The following TRIP12 variants were observed in gnomAD, a reference collection of about 807,000 sequenced individuals.
TRIP12 encodes E3 ubiquitin-protein ligase TRIP12.
A neutral mutation model predicts 244.2 loss-of-function variants in TRIP12; 25 were observed. That is an observed-to-expected ratio of 0.10 (90% CI 0.07 to 0.14). The LOEUF is 0.14. Among genes scored for constraint, TRIP12 ranks in the 10% least tolerant of loss-of-function variants. TRIP12 has a pLI of 1.00. For missense variants in TRIP12, 1,677 were observed against 2,486.4 expected (o/e 0.67, Z 6.92); for synonymous variants, 905 against 873.1 (o/e 1.04, Z -0.64).
chr2:229,814,689 T>C (rs2048082128), intron 11 of TRIP12, among the ~76,000 whole-genome samples: 1 of 152,180 alleles, frequency 6.6e-6, no homozygotes, highest in Non-Finnish European at 1.5e-5. Context: ...TTGTTGTGCG[T>C]TAAACAAACA....
chr2:229,789,508 A>G (rs2040898698), intron 31 of TRIP12, 103 bp downstream of exon 31: 1 of 1,401,484 alleles, frequency 7.1e-7, no homozygotes, highest in African/African-American at 1.4e-5. Context: ...TTACTGGGCT[A>G]GGAGCCCTGC....
chr2:229,789,271 G>A (rs1559409016), intron 31 of TRIP12, among the ~76,000 whole-genome samples: 2 of 152,186 alleles, frequency 1.3e-5, no homozygotes. Flanking sequence ...ATCAAAGGCA[G>A]CATGCAACTT....
At chr2:229,823,444 T>TG (rs1285168797) in intron 8 of TRIP12, among the ~76,000 whole-genome samples, 5 of 151,062 alleles carry the variant, frequency 3.3e-5, no homozygotes, top group Admixed American at 6.6e-5. Flanking sequence ...GAGGCCGAGG[T>TG]GGGGTGGATC....
chr2:229,851,643 A>G (rs1045018229), intron 4 of TRIP12, among the ~76,000 whole-genome samples: 6 of 152,196 alleles, frequency 3.9e-5, no homozygotes, highest in Admixed American at 2.6e-4. Context: ...TTTATGAGCT[A>G]TAACACTCAC....
chr2:229,857,675 C>A (rs985200393), intron 4 of TRIP12, among the ~76,000 whole-genome samples: 17 of 151,936 alleles, frequency 1.1e-4, no homozygotes, highest in Admixed American at 1.1e-3. Flanking sequence ...AAGAAAGACA[C>A]TAGCATTCCC....
chr2:229,807,576 G>T, intron 17 of TRIP12, 132 bp downstream of exon 17: 1 of 1,186,088 alleles, frequency 8.4e-7, no homozygotes, highest in Non-Finnish European at 1.2e-6. Flanking sequence ...GTTCTCAGGA[G>T]ACAAAATGAG....
chr2:229,907,637 T>G (rs2073181492), intron 1 of TRIP12, among the ~76,000 whole-genome samples: 1 of 152,100 alleles, frequency 6.6e-6, no homozygotes, highest in South Asian at 2.1e-4. Context: ...AGATTTCATC[T>G]CTACAATAAA....
At chr2:229,841,768 T>A (rs576682808) in intron 4 of TRIP12, among the ~76,000 whole-genome samples, 1 of 152,202 alleles carries the variant, frequency 6.6e-6, no homozygotes, top group South Asian at 2.1e-4. Flanking sequence ...GACTAATTAA[T>A]TATACAATTG....
intron 23 of TRIP12, 85 bp from the exon 24 acceptor site, chr2:229,797,916 T>C: frequency 7.4e-7 from 1 of 1,355,676 alleles, no homozygotes. Flanking sequence ...GCTGCTACAT[T>C]TAAAATTCAT....
At chr2:229,851,564 C>T (rs2058709597) in intron 4 of TRIP12, among the ~76,000 whole-genome samples, 4 of 152,184 alleles carry the variant, frequency 2.6e-5, no homozygotes, top group Admixed American at 2.6e-4. Flanking sequence ...CCCTTCCACA[C>T]TGGAAGCTTT....
At position 229,796,765 on chromosome 2, in the gene TRIP12, C is replaced by A; in HGVS notation, c.3642G>T (p.Glu1214Asp). The A allele has an allele frequency of 6.3e-7, 1 of 1,586,270 alleles. No homozygotes were observed. ...CTATGCTACGGATTTCTACAAGGCA[C>A]TCAGCTCCACCATCCACCTGAAAGA... is the stretch of plus-strand genomic sequence containing the variant. ...QLNLQVDGGAECLVEIRSIVS... is the reference protein window; with the variant it reads ...QLNLQVDGGADCLVEIRSIVS... The change falls in exon 25 of 42, where the codon GAG (glutamate) becomes GAT (aspartate). Residue 1214 changes from glutamate to aspartate, a missense_variant. Glu to Asp is a conservative substitution (Grantham distance 45). This residue lies in a region of TRIP12 where 572 missense variants were observed against 867.8 expected (regional missense o/e 0.66). Coordinates refer to ENST00000675903, the MANE Select transcript of TRIP12 (RefSeq NM_001348323.3).
At position 229,778,729 on chromosome 2, in the gene TRIP12, G is replaced by C; in HGVS notation, c.5210-142C>G. On this transcript the variant is annotated intron_variant, in intron 35 of 41. Transcript: ENST00000675903. This position sits in a 1 kb window ranked among gnomAD's most constrained non-coding sequence, Gnocchi z 4.1. Reference sequence around the variant, plus strand: ...AATGAAGTCCTCTAGAACTGGACAGGCCTTCCCTATTTGATAAATGAGAAA... The same window carrying C: ...AATGAAGTCCTCTAGAACTGGACAGCCCTTCCCTATTTGATAAATGAGAAA... 4.5e-6 allele frequency: 6 copies of C among 1,341,030 alleles called. No individual in the cohort carries two copies. Among genetic ancestry groups the C allele is most frequent in the Non-Finnish European group, 5.1e-6 (5 of 971,770 alleles). 83.1% of individuals were successfully genotyped at this position (1,341,030 alleles called of 1,614,324 possible).
chr2:229,864,029 AGAGAGAGAGAGAGAGAGAGTGT>A (rs1268661228), intron 2 of TRIP12, among the ~76,000 whole-genome samples: 4 of 141,360 alleles, frequency 2.8e-5, no homozygotes, highest in Non-Finnish European at 4.6e-5. Context: ...AGAGAGAGAG[AGAGAGAGAGAGAGAGAGAGTGT>A]GTGTGTGTGT....
chr2:229,897,154 A>G (rs1414918986), intron 1 of TRIP12, among the ~76,000 whole-genome samples: 1 of 152,232 alleles, frequency 6.6e-6, no homozygotes, highest in African/African-American at 2.4e-5. Context: ...CTTTTAAGGC[A>G]TTAAAAGGCA....
At chr2:229,791,646 A>G in intron 29 of TRIP12, 1 of 567,046 alleles carries the variant, frequency 1.8e-6, no homozygotes, top group Non-Finnish European at 3.1e-6. Flanking sequence ...GTAAACCATG[A>G]TTACTGTCCA....
intron 39 of TRIP12, among the ~76,000 whole-genome samples, chr2:229,770,853 G>A (rs971180895): frequency 6.6e-6 from 1 of 152,178 alleles, no homozygotes; most frequent in Non-Finnish European, 1.5e-5. Flanking sequence ...CGTCTTGTCT[G>A]CTGCCATGTG....
At chr2:229,790,587 C>T (rs2041251585) in intron 30 of TRIP12, among the ~76,000 whole-genome samples, 1 of 151,840 alleles carries the variant, frequency 6.6e-6, no homozygotes, top group African/African-American at 2.4e-5. Context: ...AACTCTAAGG[C>T]ACTGTTAGTA....
chr2:229,773,949 C>T (rs1195861248), intron 38 of TRIP12, 148 bp downstream of exon 38: 1 of 698,188 alleles, frequency 1.4e-6, no homozygotes, highest in Non-Finnish European at 2.4e-6. Flanking sequence ...CAAAGAGAAG[C>T]TAGTGCCTTG....
chr2:229,884,235 T>TC (rs1491513972), intron 1 of TRIP12, among the ~76,000 whole-genome samples: 1 of 123,058 alleles, frequency 8.1e-6, no homozygotes, highest in African/African-American at 3.0e-5. Flanking sequence ...ATTTTTCTTT[T>TC]CTTTTTTTTT....
Sources: allele counts gnomAD v4.1 joint callset (sites outside exome capture counted in the v4.1 genomes callset), GRCh38; gene constraint gnomAD v4.1.1; regional missense constraint gnomAD v4.1.1; non-coding constraint Gnocchi (gnomAD v3.1); transcripts MANE v1.5; gene names NCBI Gene and HGNC (gene_info 2026-07-23, HGNC 2026-07-21).